The following ZBED6 variants were observed in gnomAD, a reference collection of about 807,000 sequenced individuals.
The protein encoded by ZBED6 is zinc finger BED-type containing 6.
Under a neutral mutation model 58.4 loss-of-function variants are expected in ZBED6, and 40 were observed. That is an observed-to-expected ratio of 0.68 (90% CI 0.53 to 0.89). The LOEUF (loss-of-function observed/expected upper bound fraction) is 0.89, where lower values mean the gene tolerates loss of function less well. Among genes scored for constraint, ZBED6 ranks in the 40% least tolerant of loss-of-function variants. ZBED6 has a pLI of 0.00. For missense variants in ZBED6, 1,057 were observed against 1,003.9 expected (o/e 1.05, Z -0.71); for synonymous variants, 439 against 350.6 (o/e 1.25, Z -2.82).
Position 203,834,689 on chromosome 1 carries a change from G to A in ZBED6, c.*3573+836G>A, listed in dbSNP as rs140685350. On this transcript the variant is annotated intron_variant, in intron 9 of 16. Transcript: ENST00000550078. ...TTTGAAACGAGAGTCTTGCTCTGTC[G>A]CCCACGCTGGCGTGCACTGGCACAA... Among the ~76,000 whole-genome samples the A allele has an allele frequency of 2.9e-3, 445 of 151,364 alleles. 5 individuals carry two copies. The highest frequency in any genetic ancestry group is 9.8e-3 in the African/African-American group (403 of 41,198).
chr1:203,813,234 T>G (rs1675123670), intron 1 of ZBED6, among the ~76,000 whole-genome samples: 1 of 152,002 alleles, frequency 6.6e-6, no homozygotes, highest in South Asian at 2.1e-4. Flanking sequence ...TGGATGGAGT[T>G]TTGCTCTTGT....
intron 1 of ZBED6, among the ~76,000 whole-genome samples, chr1:203,804,249 T>C (rs1671464336): frequency 6.6e-6 from 1 of 151,638 alleles, no homozygotes. Context: ...CCTCCCGGGT[T>C]CACGCCATTC....
At chr1:203,841,670 A>G (rs970498400) in intron 11 of ZBED6, among the ~76,000 whole-genome samples, 4 of 152,164 alleles carry the variant, frequency 2.6e-5, no homozygotes, top group Non-Finnish European at 5.9e-5. Flanking sequence ...GCTGTTGGGT[A>G]CACCTCCCAG....
intron 3 of ZBED6, among the ~76,000 whole-genome samples, chr1:203,819,199 CTA>C (rs1451004181): frequency 6.6e-6 from 1 of 150,436 alleles, no homozygotes; most frequent in Non-Finnish European, 1.5e-5. Context: ...CAACTTTCCT[CTA>C]TGCAATTTTT....
intron 1 of ZBED6, among the ~76,000 whole-genome samples, chr1:203,811,904 C>T (rs1441397804): frequency 6.6e-6 from 1 of 151,720 alleles, no homozygotes; most frequent in East Asian, 1.9e-4. Context: ...CAACCTCCAC[C>T]TCCTGTGTTC....
chr1:203,837,122 T>G (rs1194043169), intron 9 of ZBED6, among the ~76,000 whole-genome samples: 2 of 151,754 alleles, frequency 1.3e-5, no homozygotes, highest in East Asian at 3.9e-4. Context: ...TGGCAAACCC[T>G]TGTCTCTACT....
At chr1:203,811,970 C>T (rs982642125) in intron 1 of ZBED6, among the ~76,000 whole-genome samples, 1 of 151,842 alleles carries the variant, frequency 6.6e-6, no homozygotes, top group African/African-American at 2.4e-5. Context: ...TGTGTGCCAC[C>T]ATGCTTGGCT....
chr1:203,833,380 A>AAC (rs1683090368), intron 8 of ZBED6, among the ~76,000 whole-genome samples: 1 of 119,816 alleles, frequency 8.3e-6, no homozygotes. Flanking sequence ...AAAAAAAAAA[A>AAC]AAAACACCAG....
intron 10 of ZBED6, among the ~76,000 whole-genome samples, chr1:203,840,096 G>A (rs1482404420): frequency 6.6e-6 from 1 of 150,798 alleles, no homozygotes; most frequent in Admixed American, 6.6e-5. Context: ...GAGCCACTGC[G>A]CCCAGCTAAT....
Position 203,840,385 on chromosome 1 carries a change from C to A in ZBED6, c.*3741+11C>A. 1 of 1,609,880 alleles carries A rather than the reference C, an allele frequency of 6.2e-7. No homozygotes were observed. Among genetic ancestry groups the A allele is most frequent in the Non-Finnish European group, 8.5e-7 (1 of 1,177,790 alleles). On this transcript the variant is annotated intron_variant, in intron 11 of 16. Transcript: ENST00000550078. ...ATGAGGATGCAACAGGTAAGTAAAT[C>A]CTAAGACCAGATTCTGATTATTTTT...
intron 7 of ZBED6, 88 bp from the exon 8 acceptor site, chr1:203,831,573 C>A (rs1682390619): frequency 4.7e-6 from 5 of 1,073,034 alleles, no homozygotes; most frequent in Middle Eastern, 2.9e-4. Context: ...CTGTATTGGA[C>A]TTAACTGGTT....
intron 13 of ZBED6, 27 bp downstream of exon 13, chr1:203,848,434 T>C (rs777961518): frequency 1.0e-5 from 16 of 1,561,642 alleles, no homozygotes; most frequent in Non-Finnish European, 1.4e-5. Flanking sequence ...TGTATGGTTT[T>C]GTTCATGGCA....
intron 16 of ZBED6, among the ~76,000 whole-genome samples, 188 bp downstream of exon 16, chr1:203,851,312 A>G (rs1392299056): frequency 2.0e-5 from 3 of 152,290 alleles, no homozygotes; most frequent in South Asian, 2.1e-4. Flanking sequence ...ACATTTTGCT[A>G]TATTACCTAA....
chr1:203,851,927 C>T (rs1689382104), intron 16 of ZBED6, among the ~76,000 whole-genome samples: 1 of 127,188 alleles, frequency 7.9e-6, no homozygotes, highest in Non-Finnish European at 1.6e-5. Flanking sequence ...CATGATTGTA[C>T]CACTACACTC....
chr1:203,833,954 C>G, intron 9 of ZBED6, 101 bp downstream of exon 9: 1 of 1,433,562 alleles, frequency 7.0e-7, no homozygotes, highest in Non-Finnish European at 9.2e-7. Flanking sequence ...TTATTGGTGC[C>G]CCTGTATTGG....
Position 203,798,246 on chromosome 1 carries a change from G to C in ZBED6, c.724G>C (p.Ala242Pro), listed in dbSNP as rs571802658. ...TAAATCAGCATCTGATGCCCTAAGG[G>C]CAGAAAGAGGGAGATTTCTCATCAA... The change falls in exon 1 of 17, where the codon GCA becomes CCA. Residue 242 changes from alanine (A) to proline (P), a missense_variant. Coordinates refer to ENST00000550078, the Ensembl canonical transcript of ZBED6. 2.8e-4 allele frequency: 430 copies of C among 1,536,104 alleles called. 1 individual carries two copies. The Middle Eastern group carries it at 7.0e-3, about 25-fold the overall frequency.
rs150862432 is a variant in ZBED6 at position 203,808,803 on chromosome 1, T to C, written c.*2554+5787T>C. 1.9e-3 allele frequency among the ~76,000 whole-genome samples: 287 copies of C among 152,102 alleles called. 2 individuals carry two copies. Among genetic ancestry groups the C allele is most frequent in the African/African-American group, 6.5e-3 (272 of 41,542 alleles). On this transcript the variant is annotated intron_variant, in intron 1 of 16. Transcript: ENST00000550078. Reference sequence around the variant, plus strand: ...CGTCGTCGTCATCGCCATCTTCTTCTTTTTTTTCTTCATTATTATCATTAT... The same window carrying C: ...CGTCGTCGTCATCGCCATCTTCTTCCTTTTTTTCTTCATTATTATCATTAT...
At chr1:203,805,699 G>T in intron 1 of ZBED6, 1 of 663,794 alleles carries the variant, frequency 1.5e-6, no homozygotes, top group Non-Finnish European at 2.9e-6. Context: ...AACACCTTCT[G>T]GAATTGCAGG....
intron 1 of ZBED6, among the ~76,000 whole-genome samples, chr1:203,816,610 AACAGAGTGAG>A (rs1468063790): frequency 6.6e-6 from 1 of 152,268 alleles, no homozygotes; most frequent in East Asian, 1.9e-4. Flanking sequence ...CAGCCTGGGC[AACAGAGTGAG>A]ACACTGTCTC....
Sources: allele counts gnomAD v4.1 joint callset (sites outside exome capture counted in the v4.1 genomes callset), GRCh38; gene constraint gnomAD v4.1.1; transcripts MANE v1.5; gene names NCBI Gene and HGNC (gene_info 2026-07-23, HGNC 2026-07-21).